The following DIPK1A variants were observed in gnomAD, a reference collection of about 807,000 sequenced individuals.
DIPK1A encodes the protein divergent protein kinase domain 1A.
DIPK1A carries 27 observed loss-of-function variants against 40.8 expected under a neutral mutation model. That is an observed-to-expected ratio of 0.66 (90% CI 0.49 to 0.91). The LOEUF is 0.91. Among genes scored for constraint, DIPK1A ranks in the 40% least tolerant of loss-of-function variants. The pLI is 0.00. For synonymous variants in DIPK1A, 166 were observed against 171.3 expected, an observed-to-expected ratio of 0.97 and a Z score of 0.24; for missense variants, 412 against 505.7, an observed-to-expected ratio of 0.81 and a Z score of 1.78.
intron 2 of DIPK1A, among the ~76,000 whole-genome samples, chr1:92,866,701 G>A (rs1647563920): frequency 6.6e-6 from 1 of 152,106 alleles, no homozygotes. Flanking sequence ...TAGATAGTCT[G>A]GGTGAGCCTG....
In DIPK1A at chr1:92,876,302, T is replaced by C. The variant is rs1457918166; in HGVS notation, c.183A>G (p.Lys61=). ...TELCRGKDCK[K]IICDKYKTGV... ...GGAAATTTAAAATACTTACTATTAT[T>C]TTCTTACAGTCCTTTCCTCTGCATA... Residue 61 remains lysine (K), a synonymous_variant, in exon 2 of 5, where the codon AAA becomes AAG. Transcript: ENST00000370310. 1 of 1,531,808 alleles carries C rather than the reference T, an allele frequency of 6.5e-7. No individual in the cohort carries two copies. Among genetic ancestry groups the C allele is most frequent in the African/African-American group, 1.4e-5 (1 of 71,904 alleles). 94.9% of individuals were successfully genotyped at this position (1,531,808 alleles called of 1,614,324 possible).
intron 1 of DIPK1A, among the ~76,000 whole-genome samples, chr1:92,892,836 C>A (rs1434773257): frequency 6.6e-6 from 1 of 151,986 alleles, no homozygotes; most frequent in Non-Finnish European, 1.5e-5. Flanking sequence ...AACCACAGCA[C>A]GAGAACTATG....
chr1:92,868,336 C>T (rs1030702324), intron 2 of DIPK1A, among the ~76,000 whole-genome samples: 11 of 152,200 alleles, frequency 7.2e-5, no homozygotes, highest in South Asian at 2.1e-4. Flanking sequence ...CATTTAAAAA[C>T]GTACATGGTG....
At chr1:92,840,697 G>A, downstream of DIPK1A, 2 of 1,222,004 alleles carry the variant, frequency 1.6e-6, no homozygotes, top group East Asian at 2.3e-5. Context: ...GTTCCCACGT[G>A]GGGCAGACTG....
Position 92,876,329 on chromosome 1 carries a change from T to G in DIPK1A, c.156A>C (p.Glu52Asp). The G allele has an allele frequency of 6.3e-7, 1 of 1,594,172 alleles. No homozygotes were observed. Among genetic ancestry groups the G allele is most frequent in the Non-Finnish European group, 8.6e-7 (1 of 1,166,740 alleles). Reference protein sequence around the residue: ...IIYVQYSTYTELCRGKDCKKI... With the variant: ...IIYVQYSTYTDLCRGKDCKKI... ...TCTTACAGTCCTTTCCTCTGCATAATTCTGTATAGGTAGAATACTGCACAT... is the reference window on the plus strand; with the variant it reads ...TCTTACAGTCCTTTCCTCTGCATAAGTCTGTATAGGTAGAATACTGCACAT... Residue 52 changes from glutamate to aspartate, a missense_variant, in exon 2 of 5, where the codon GAA becomes GAC. Coordinates refer to ENST00000370310, the MANE Select transcript of DIPK1A (RefSeq NM_001006605.5).
chr1:92,846,685 G>A (rs12092596), intron 4 of DIPK1A: 12 of 337,414 alleles, frequency 3.6e-5, no homozygotes, highest in African/African-American at 2.7e-4. Context: ...CTGGAGTGCA[G>A]TGGTGAGATC....
rs1648031091 is a variant in DIPK1A, at chr1:92,874,653, C to T, written c.189+1643G>A. Among the ~76,000 whole-genome samples, 4 of 152,278 alleles carry T rather than the reference C, an allele frequency of 2.6e-5. No homozygotes were observed. In the South Asian group the frequency reaches 6.2e-4, roughly 24 times the overall value. On this transcript the variant is annotated intron_variant, in intron 2 of 4. Coordinates refer to ENST00000370310, the MANE Select transcript of DIPK1A (RefSeq NM_001006605.5). ...GTATGTTTTTGAACTTGATTATCTA[C>T]CTCCTGTTTCCTCCTTCTTCACTGA... is the stretch of plus-strand genomic sequence containing the variant.
At chr1:92,924,386 A>C (rs1280498842) in intron 1 of DIPK1A, among the ~76,000 whole-genome samples, 1 of 152,096 alleles carries the variant, frequency 6.6e-6, no homozygotes, top group African/African-American at 2.4e-5. Flanking sequence ...AATTTTGAGA[A>C]TGGTATCCTT....
At chr1:92,876,195 A>T in intron 2 of DIPK1A, 101 bp downstream of exon 2, 1 of 771,798 alleles carries the variant, frequency 1.3e-6, no homozygotes, top group Non-Finnish European at 1.8e-6. Context: ...TCTAATGTCA[A>T]ATTAACTTTT....
chr1:92,867,448 G>A (rs909011191), intron 2 of DIPK1A, among the ~76,000 whole-genome samples: 2 of 152,144 alleles, frequency 1.3e-5, no homozygotes, highest in South Asian at 2.1e-4. Flanking sequence ...GGCATGCAGA[G>A]AAGAAAGCTA....
At chr1:92,953,673 T>C (rs960300043) in intron 1 of DIPK1A, among the ~76,000 whole-genome samples, 4 of 152,148 alleles carry the variant, frequency 2.6e-5, no homozygotes, top group African/African-American at 9.7e-5. Flanking sequence ...ATTCCACTTA[T>C]ATGAAGTATA....
chr1:92,837,629 A>T, downstream of DIPK1A: 1 of 1,611,496 alleles, frequency 6.2e-7, no homozygotes, highest in Non-Finnish European at 8.5e-7. Flanking sequence ...GTAACTCCAG[A>T]CATGGTAAAA....
chr1:92,908,230 T>A (rs1365286250), intron 1 of DIPK1A, among the ~76,000 whole-genome samples: 1 of 152,062 alleles, frequency 6.6e-6, no homozygotes, highest in Non-Finnish European at 1.5e-5. Flanking sequence ...GGTTTGGGAA[T>A]CACAGGGAAA....
chr1:92,849,355 T>TG (rs981475103), intron 3 of DIPK1A, among the ~76,000 whole-genome samples: 3 of 150,728 alleles, frequency 2.0e-5, no homozygotes, highest in African/African-American at 7.3e-5. Context: ...TTTGTTTTTT[T>TG]TTTTTTTTTT....
chr1:92,880,153 C>A (rs888497255), intron 1 of DIPK1A, among the ~76,000 whole-genome samples: 3 of 152,106 alleles, frequency 2.0e-5, no homozygotes, highest in Admixed American at 2.0e-4. Flanking sequence ...TGTAGCCCCC[C>A]ACAGCAAAGC....
At chr1:92,850,305 A>G (rs1229462723) in intron 3 of DIPK1A, among the ~76,000 whole-genome samples, 3 of 152,216 alleles carry the variant, frequency 2.0e-5, no homozygotes, top group Non-Finnish European at 4.4e-5. Flanking sequence ...TAACTGAAAC[A>G]GCATCTAACA....
chr1:92,891,684 C>T (rs994000832), intron 1 of DIPK1A, among the ~76,000 whole-genome samples: 14 of 152,106 alleles, frequency 9.2e-5, no homozygotes, highest in African/African-American at 2.7e-4. Context: ...TGCAGTGCAC[C>T]GAGCCTGAGC....
chr1:92,957,676 A>G (rs1651906417), intron 1 of DIPK1A, among the ~76,000 whole-genome samples: 1 of 152,252 alleles, frequency 6.6e-6, no homozygotes, highest in South Asian at 2.1e-4. Context: ...CAGAGAGAAG[A>G]AGGACGACTT....
At chr1:92,847,483 A>G (rs1687679472) in intron 3 of DIPK1A, 124 bp from the exon 4 acceptor site, 1 of 511,954 alleles carries the variant, frequency 2.0e-6, no homozygotes, top group Admixed American at 4.2e-5. Context: ...CATTGAGGTT[A>G]AGGTGTGACT....
Sources: allele counts gnomAD v4.1 joint callset (sites outside exome capture counted in the v4.1 genomes callset), GRCh38; gene constraint gnomAD v4.1.1; transcripts MANE v1.5; gene names NCBI Gene and HGNC (gene_info 2026-07-23, HGNC 2026-07-21).